Variants in CYB5A observed in about 807,000 individuals in gnomAD.
The protein encoded by CYB5A is cytochrome b5 type A.
In CYB5A, 10 loss-of-function variants were observed where a neutral mutation model predicts 16.2. The observed-to-expected ratio is 0.62, with a 90% CI of 0.38 to 1.04. The LOEUF is 1.04. CYB5A is among the 50% of genes least tolerant of loss of function. CYB5A has a pLI of 0.01. For synonymous variants in CYB5A, 62 were observed against 57.0 expected, an observed-to-expected ratio of 1.09 and a Z score of -0.40; for missense variants, 161 against 165.9, an observed-to-expected ratio of 0.97 and a Z score of 0.16.
intron 3 of CYB5A, chr18:74,256,276 G>A (rs1599244489): frequency 5.8e-6 from 1 of 171,750 alleles, no homozygotes; most frequent in African/African-American, 2.4e-5. Flanking sequence ...GCCATTTTAA[G>A]TTCTACATTC....
chr18:74,286,232 C>A (rs965441224), intron 1 of CYB5A, among the ~76,000 whole-genome samples: 13 of 152,220 alleles, frequency 8.5e-5, no homozygotes, highest in Admixed American at 8.5e-4. Flanking sequence ...TCCACACTGT[C>A]CACTTCCTTA....
At chr18:74,289,329 AC>A (rs979231640) in intron 1 of CYB5A, among the ~76,000 whole-genome samples, 8 of 152,208 alleles carry the variant, frequency 5.3e-5, no homozygotes, top group African/African-American at 1.9e-4. Context: ...AGTTTTGAGT[AC>A]ATTTTAACAA....
intron 2 of CYB5A, among the ~76,000 whole-genome samples, chr18:74,262,049 T>C (rs1243908996): frequency 6.6e-6 from 1 of 152,174 alleles, no homozygotes; most frequent in Non-Finnish European, 1.5e-5. Flanking sequence ...TTTCCAAGTT[T>C]TCAGCGATTT....
At chr18:74,277,437 C>T (rs764045337) in intron 1 of CYB5A, among the ~76,000 whole-genome samples, 1 of 152,166 alleles carries the variant, frequency 6.6e-6, no homozygotes, top group African/African-American at 2.4e-5. Flanking sequence ...CTAAAGAGGC[C>T]CCTCTGGCAG....
intron 4 of CYB5A, among the ~76,000 whole-genome samples, chr18:74,255,402 T>C (rs1205252078): frequency 1.3e-5 from 2 of 152,102 alleles, no homozygotes; most frequent in Non-Finnish European, 2.9e-5. Flanking sequence ...CAGACATGGA[T>C]TGAAAGGAAG....
At chr18:74,261,018 G>T in intron 2 of CYB5A, 74 bp from the exon 3 acceptor site, 1 of 1,145,586 alleles carries the variant, frequency 8.7e-7, no homozygotes, top group Non-Finnish European at 1.3e-6. Context: ...TGCTGACTTT[G>T]AGACTTTTTA....
At chr18:74,268,761 T>C (rs1052544747) in intron 1 of CYB5A, among the ~76,000 whole-genome samples, 6 of 152,076 alleles carry the variant, frequency 3.9e-5, no homozygotes, top group Non-Finnish European at 7.4e-5. Flanking sequence ...TTTGCACAAC[T>C]GAATGGAAGA....
At chr18:74,263,568 TC>T in intron 1 of CYB5A, 91 bp from the exon 2 acceptor site, 1 of 1,142,160 alleles carries the variant, frequency 8.8e-7, no homozygotes, top group South Asian at 1.2e-5. Flanking sequence ...AACAGGTGAC[TC>T]CTTCAGAAGA....
At chr18:74,280,260 AC>A (rs1395281521) in intron 1 of CYB5A, among the ~76,000 whole-genome samples, 6 of 152,058 alleles carry the variant, frequency 3.9e-5, no homozygotes, top group Admixed American at 3.9e-4. Flanking sequence ...ATCCTAAGTC[AC>A]CTTAAAAAGT....
At chr18:74,268,446 G>A (rs1599255111) in intron 1 of CYB5A, among the ~76,000 whole-genome samples, 1 of 152,096 alleles carries the variant, frequency 6.6e-6, no homozygotes, top group African/African-American at 2.4e-5. Flanking sequence ...TGCTGCTTTT[G>A]CGCCTCTCCA....
rs181246796 is a variant in CYB5A, at chr18:74,257,071, G to A, written c.289-1296C>T. 2.4e-3 allele frequency: 1,231 copies of A among 521,858 alleles called. 14 individuals carry two copies. The highest frequency in any genetic ancestry group is 0.021 in the African/African-American group (1,102 of 52,260). The allele number at this position is 521,858 out of a possible 1,614,324, so 32.3% of individuals were successfully genotyped here. A position where few individuals can be genotyped will look rare whatever the true frequency, so the allele number is the denominator to read the frequency against. ...AGTTAGCTATTAGAGGACACAATCA[G>A]TTCTGAAACAAAAGAATCACTGAAG... On this transcript the variant is annotated intron_variant, in intron 3 of 4. Transcript: ENST00000340533.
intron 1 of CYB5A, among the ~76,000 whole-genome samples, chr18:74,272,339 C>G (rs147292992): frequency 0.016 from 2,361 of 152,270 alleles, 47 homozygotes; most frequent in African/African-American, 0.053. Flanking sequence ...AAGGACGACC[C>G]AAATGTGTAA....
At position 74,291,886 on chromosome 18, in the gene CYB5A, C is replaced by T; in HGVS notation, c.-11G>A. 1 of 1,609,684 alleles carries T rather than the reference C, an allele frequency of 6.2e-7. No homozygotes were observed. The stretch of plus-strand genomic sequence containing the variant: ...CGACTGCTCTGCCATCTCGGTTCGC[C>T]GCGAGCCAGGCCCAGCACACACAGC... On this transcript the variant is annotated 5_prime_UTR_variant, in exon 1 of 5. Coordinates refer to ENST00000340533, the MANE Select transcript of CYB5A (RefSeq NM_148923.4).
chr18:74,291,781 T>C lies in CYB5A; in HGVS notation c.95A>G (p.His32Arg). 3.7e-6 allele frequency: 6 copies of C among 1,613,892 alleles called. No homozygotes were observed. The highest frequency in any genetic ancestry group is 4.2e-6 in the Non-Finnish European group (5 of 1,179,802). ...HSKSTWLILH[H>R]KVYDLTKFLE... Reference sequence around the variant, plus strand: ...AAATTTGGTCAAATCGTACACCTTGTGGTGCAGGATCAGCCAGGTGCTCTT... The same window carrying C: ...AAATTTGGTCAAATCGTACACCTTGCGGTGCAGGATCAGCCAGGTGCTCTT... The change falls in exon 1 of 5, where the codon CAC (histidine) becomes CGC (arginine). Residue 32 changes from histidine to arginine, a missense_variant. Transcript: ENST00000340533.
chr18:74,256,517 C>T (rs1599244705), intron 3 of CYB5A: 4 of 385,816 alleles, frequency 1.0e-5, no homozygotes, highest in East Asian at 4.2e-5. Flanking sequence ...TCTGGAAAAA[C>T]GCATACTTCT....
rs1188958900 is a variant in CYB5A, at chr18:74,253,462, AAG to A, written c.*120_*121del. 3 of 670,842 alleles carry A rather than the reference AAG, an allele frequency of 4.5e-6. No individual in the cohort carries two copies. The highest frequency in any genetic ancestry group is 8.1e-6 in the Non-Finnish European group (3 of 368,264). 41.6% of individuals were successfully genotyped at this position (670,842 alleles called of 1,614,324 possible). On this transcript the variant is annotated 3_prime_UTR_variant, in exon 5 of 5. Transcript: ENST00000340533. ...TGTTTCTAATGTCGGAAGAAAAAGA[AAG>A]AGATATATTAAAATCATTGTTTTCA...
chr18:74,281,022 G>A (rs1790834), intron 1 of CYB5A, among the ~76,000 whole-genome samples: 25,857 of 152,140 alleles, frequency 0.17, 2,222 homozygotes, highest in East Asian at 0.23. Context: ...AGAGAAGATG[G>A]AGGCTCCAAC....
chr18:74,267,063 T>C (rs1240102513), intron 1 of CYB5A, among the ~76,000 whole-genome samples: 1 of 152,180 alleles, frequency 6.6e-6, no homozygotes, highest in African/African-American at 2.4e-5. Context: ...AGAGAGACAC[T>C]TGGCCAAGTA....
intron 1 of CYB5A, among the ~76,000 whole-genome samples, chr18:74,281,450 G>A (rs189597619): frequency 6.6e-6 from 1 of 152,306 alleles, no homozygotes; most frequent in African/African-American, 2.4e-5. Flanking sequence ...CAGAAGAGAA[G>A]TGGGAAAAGG....
Sources: gnomAD v4.1 joint callset for allele counts (sites outside exome capture counted in the v4.1 genomes callset) on GRCh38, gnomAD v4.1.1 for gene constraint, MANE v1.5 for transcripts, NCBI Gene and HGNC (gene_info 2026-07-23, HGNC 2026-07-21) for gene names.